The following C12orf54 variants were observed in gnomAD, a reference collection of about 807,000 sequenced individuals.
C12orf54 encodes the protein chromosome 12 open reading frame 54, also known as uncharacterized protein C12orf54.
A neutral mutation model predicts 26.4 loss-of-function variants in C12orf54; 24 were observed. The observed-to-expected ratio is 0.91, with a 90% confidence interval of 0.66 to 1.28. The LOEUF is 1.28. Ranked by LOEUF, C12orf54 falls within the 50% of genes most tolerant of loss-of-function variation. C12orf54 has a pLI of 0.00. For synonymous variants in C12orf54, 54 were observed against 47.0 expected (o/e 1.15, Z -0.61); for missense variants, 154 against 150.9 (o/e 1.02, Z -0.11).
the C12orf54 span, among the ~76,000 whole-genome samples, chr12:48,456,013 A>C: frequency 6.6e-6 from 1 of 152,214 alleles, no homozygotes; most frequent in Non-Finnish European, 1.5e-5. Flanking sequence ...TGATTATCTC[A>C]TTTCTTCTCA....
At chr12:48,454,633 A>C in the C12orf54 span, among the ~76,000 whole-genome samples, 3 of 152,194 alleles carry the variant, frequency 2.0e-5, no homozygotes, top group African/African-American at 7.2e-5. Flanking sequence ...GCCTCAGAGG[A>C]AAGTTATGCA....
chr12:48,463,727 C>A, the C12orf54 span, among the ~76,000 whole-genome samples: 2 of 152,066 alleles, frequency 1.3e-5, no homozygotes, highest in East Asian at 1.9e-4. Context: ...AAAAGCTTAA[C>A]CACCATGATC....
At chr12:48,456,648 A>G in the C12orf54 span, among the ~76,000 whole-genome samples, 1 of 152,146 alleles carries the variant, frequency 6.6e-6, no homozygotes, top group Non-Finnish European at 1.5e-5. Context: ...ATTGTTCTCC[A>G]TGTTAGGTTG....
chr12:48,414,238 C>T, the C12orf54 span, among the ~76,000 whole-genome samples: 1 of 152,214 alleles, frequency 6.6e-6, no homozygotes, highest in East Asian at 1.9e-4. Flanking sequence ...AGATTCCTCA[C>T]ATGTGGCAGT....
At chr12:48,468,007 C>G in the C12orf54 span, among the ~76,000 whole-genome samples, 1 of 152,014 alleles carries the variant, frequency 6.6e-6, no homozygotes, top group Admixed American at 6.6e-5. Flanking sequence ...TATTTATTGG[C>G]TCATTTATTC....
the C12orf54 span, among the ~76,000 whole-genome samples, chr12:48,455,152 G>C: frequency 6.6e-6 from 1 of 152,206 alleles, no homozygotes; most frequent in African/African-American, 2.4e-5. Context: ...TTGTGTCCCT[G>C]TGTACTCAAT....
At chr12:48,454,978 C>T in the C12orf54 span, among the ~76,000 whole-genome samples, 1 of 152,132 alleles carries the variant, frequency 6.6e-6, no homozygotes, top group African/African-American at 2.4e-5. Context: ...CTTTTAGGTT[C>T]AGAGGGTACC....
At chr12:48,433,907 C>T in the C12orf54 span, among the ~76,000 whole-genome samples, 1 of 152,158 alleles carries the variant, frequency 6.6e-6, no homozygotes, top group Non-Finnish European at 1.5e-5. Context: ...GCTTGTTGGA[C>T]AGTGGGTGCA....
chr12:48,417,232 A>G, the C12orf54 span: 1 of 152,300 alleles, frequency 6.6e-6, no homozygotes, highest in Admixed American at 6.5e-5. Context: ...TATCAGGGCC[A>G]GGAAGTAAAC....
chr12:48,440,945 A>G, the C12orf54 span, among the ~76,000 whole-genome samples: 1 of 152,196 alleles, frequency 6.6e-6, no homozygotes, highest in Non-Finnish European at 1.5e-5. Context: ...GGTAGCTCAC[A>G]GCTTCAGTGG....
At position 48,484,340 on chromosome 12, in the gene C12orf54, T is replaced by C. The variant is rs555620680; in HGVS notation, c.65+979T>C. The stretch of plus-strand genomic sequence containing the variant: ...AATCTGGAGGAAGTTGGGAATCTGC[T>C]CTATCTAAGAGTATGAATTCTCTTC... On this transcript the variant is annotated intron_variant, in intron 2 of 8. Transcript: ENST00000548364. Among the ~76,000 whole-genome samples the C allele has an allele frequency of 2.7e-4, 41 of 152,294 alleles. 2 individuals carry two copies. In the South Asian group the frequency reaches 8.5e-3, roughly 32 times the overall value.
chr12:48,450,224 T>C, the C12orf54 span, among the ~76,000 whole-genome samples: 1 of 152,176 alleles, frequency 6.6e-6, no homozygotes, highest in Admixed American at 6.6e-5. Context: ...AACCTGCCCC[T>C]GAATGAATTT....
the C12orf54 span, among the ~76,000 whole-genome samples, chr12:48,451,142 C>T: frequency 8.6e-4 from 131 of 152,140 alleles, no homozygotes; most frequent in Non-Finnish European, 5.6e-4. Flanking sequence ...GCCATAATCA[C>T]GTTGGCTTCA....
chr12:48,429,646 T>C, the C12orf54 span, among the ~76,000 whole-genome samples: 1 of 151,272 alleles, frequency 6.6e-6, no homozygotes, highest in African/African-American at 2.4e-5. Flanking sequence ...CTACAAAACA[T>C]TGCTGAAAAA....
the C12orf54 span, chr12:48,473,225 AGATGAGGAGGACGAG>A: frequency 8.4e-7 from 1 of 1,194,898 alleles, no homozygotes; most frequent in South Asian, 1.2e-5. Flanking sequence ...AGGTAATGGA[AGATGAGGAGGACGAG>A]GATGAGGAGG....
At chr12:48,495,142 G>A (rs1937884888) in intron 8 of C12orf54, among the ~76,000 whole-genome samples, 163 bp downstream of exon 8, 2 of 151,970 alleles carry the variant, frequency 1.3e-5, no homozygotes, top group South Asian at 4.2e-4. Flanking sequence ...GACAAGTGAA[G>A]GCAGGGCTAG....
chr12:48,494,039 T>A (rs367845331), intron 7 of C12orf54, among the ~76,000 whole-genome samples: 32,481 of 93,118 alleles, frequency 0.35, 7,442 homozygotes, highest in East Asian at 0.76. Context: ...ACCAACACAG[T>A]GAAACCCCGT....
chr12:48,460,463 A>C, the C12orf54 span, among the ~76,000 whole-genome samples: 2 of 140,312 alleles, frequency 1.4e-5, no homozygotes, highest in Non-Finnish European at 3.2e-5. Flanking sequence ...GGAGAAGGAA[A>C]ATGACACCAG....
chr12:48,440,155 G>A, the C12orf54 span, among the ~76,000 whole-genome samples: 5 of 151,938 alleles, frequency 3.3e-5, no homozygotes, highest in African/African-American at 1.2e-4. Flanking sequence ...AACCTGGGAG[G>A]CGGAGGTTGC....
Sources: gnomAD v4.1 joint callset for allele counts (sites outside exome capture counted in the v4.1 genomes callset) on GRCh38, gnomAD v4.1.1 for gene constraint, MANE v1.5 for transcripts, NCBI Gene and HGNC (gene_info 2026-07-23, HGNC 2026-07-21) for gene names.